AUTS2: variants seen among roughly 807,000 people sequenced by gnomAD.
AUTS2 encodes activator of transcription and developmental regulator AUTS2, also known as autism susceptibility gene 2 protein.
A neutral mutation model predicts 112.4 loss-of-function variants in AUTS2; 17 were observed. The ratio of observed to expected loss-of-function variants is 0.15; its 90% confidence interval spans 0.10 to 0.23. AUTS2 has a LOEUF of 0.23. Among genes scored for constraint, AUTS2 ranks in the 10% least tolerant of loss-of-function variants. The probability of loss-of-function intolerance (pLI) is 1.00; values close to 1 mark genes in which losing one functional copy is unlikely to be tolerated. For synonymous variants in AUTS2, 751 were observed against 702.7 expected (o/e 1.07, Z -1.09); for missense variants, 1,510 against 1,701.6 (o/e 0.89, Z 1.98).
intron 4 of AUTS2, among the ~76,000 whole-genome samples, chr7:70,382,129 C>T (rs1259745482): frequency 1.3e-5 from 2 of 152,204 alleles, no homozygotes; most frequent in Non-Finnish European, 2.9e-5. Context: ...CTCAACGTGT[C>T]TGTAATCTCC....
intron 1 of AUTS2, among the ~76,000 whole-genome samples, chr7:69,678,351 C>T (rs1268880316): frequency 6.6e-6 from 1 of 152,114 alleles, no homozygotes; most frequent in Non-Finnish European, 1.5e-5. Context: ...CTGTCTACAG[C>T]CTCTTGAATT....
chr7:70,378,249 A>G (rs149324122), intron 4 of AUTS2, among the ~76,000 whole-genome samples: 1 of 152,340 alleles, frequency 6.6e-6, no homozygotes, highest in African/African-American at 2.4e-5. Context: ...TGCTATGAAC[A>G]TGTCTAAGTC....
At chr7:70,141,333 A>G (rs1049783085) in intron 4 of AUTS2, among the ~76,000 whole-genome samples, 5 of 152,172 alleles carry the variant, frequency 3.3e-5, no homozygotes, top group Non-Finnish European at 7.3e-5. Flanking sequence ...CGTCAAGTAA[A>G]GGATCAATGA....
At chr7:70,141,162 C>T (rs1806841812) in intron 4 of AUTS2, among the ~76,000 whole-genome samples, 1 of 152,132 alleles carries the variant, frequency 6.6e-6, no homozygotes, top group Non-Finnish European at 1.5e-5. Context: ...GACAAGAATA[C>T]AGAGAAATTG....
chr7:70,738,260 T>C (rs111657334), intron 6 of AUTS2, among the ~76,000 whole-genome samples: 3,734 of 152,270 alleles, frequency 0.025, 68 homozygotes, highest in Non-Finnish European at 0.038. Context: ...TTTCTCCTGG[T>C]GCTAGAACCT....
At chr7:69,996,297 C>G (rs1471697858) in intron 2 of AUTS2, among the ~76,000 whole-genome samples, 7 of 152,214 alleles carry the variant, frequency 4.6e-5, no homozygotes, top group African/African-American at 1.7e-4. Context: ...TCCCTCTCTT[C>G]TGTCAGCACA....
In AUTS2 at chr7:70,692,182, T is replaced by C. The variant is rs770281726; in HGVS notation, c.691-6387T>C. ...TGCGCCCAGACTGATGACAATCTAATGCAAGGCATGATAAATGTCAGAAGT... is the reference window on the plus strand; with the variant it reads ...TGCGCCCAGACTGATGACAATCTAACGCAAGGCATGATAAATGTCAGAAGT... On this transcript the variant is annotated intron_variant, in intron 5 of 18. Transcript: ENST00000342771. Among the ~76,000 whole-genome samples the C allele has an allele frequency of 9.2e-5, 14 of 152,292 alleles. No individual in the cohort carries two copies. In the South Asian group the frequency reaches 2.1e-3, roughly 23 times the overall value.
Position 70,750,350 on chromosome 7 carries a change from G to T in AUTS2, c.743-12520G>T, listed in dbSNP as rs142490904. 7.2e-3 allele frequency among the ~76,000 whole-genome samples: 1,055 copies of T among 147,186 alleles called. 14 individuals carry two copies. Among genetic ancestry groups the T allele is most frequent in the African/African-American group, 0.026 (986 of 38,066 alleles). On this transcript the variant is annotated intron_variant, in intron 6 of 18. Coordinates refer to ENST00000342771, the MANE Select transcript of AUTS2 (RefSeq NM_015570.4). ...AAAGTCTTTTTTTTTTTTAAACAGG[G>T]TCTCACTCTGTTTTCCATGCTGGAG... is the stretch of plus-strand genomic sequence containing the variant.
chr7:69,642,059 G>T (rs1416342419), intron 1 of AUTS2, among the ~76,000 whole-genome samples: 2 of 152,162 alleles, frequency 1.3e-5, no homozygotes, highest in African/African-American at 4.8e-5. Context: ...ATAACTGAGG[G>T]AGTTGGCCCA....
chr7:69,807,807 C>A (rs563568482), intron 1 of AUTS2, among the ~76,000 whole-genome samples: 11 of 152,104 alleles, frequency 7.2e-5, no homozygotes, highest in South Asian at 2.1e-4. Flanking sequence ...GTTTTACCAG[C>A]GTGACTGATT....
chr7:69,698,568 C>A (rs1483542518), intron 1 of AUTS2, among the ~76,000 whole-genome samples: 1 of 152,090 alleles, frequency 6.6e-6, no homozygotes, highest in African/African-American at 2.4e-5. Context: ...CTTTATTCTG[C>A]CTACTTTCCT....
chr7:70,256,903 C>T (rs985994370), intron 4 of AUTS2, among the ~76,000 whole-genome samples: 1 of 152,162 alleles, frequency 6.6e-6, no homozygotes, highest in Non-Finnish European at 1.5e-5. Context: ...CCTTCACAGT[C>T]AACTTTCAGT....
chr7:70,027,417 C>T (rs943645349), intron 2 of AUTS2, among the ~76,000 whole-genome samples: 1 of 152,112 alleles, frequency 6.6e-6, no homozygotes, highest in African/African-American at 2.4e-5. Flanking sequence ...TCTCACTTCT[C>T]GTGTTTCCTT....
chr7:70,634,561 C>T (rs573722724), intron 5 of AUTS2, among the ~76,000 whole-genome samples: 3 of 152,238 alleles, frequency 2.0e-5, no homozygotes, highest in African/African-American at 7.2e-5. Flanking sequence ...GGCCTGGCTC[C>T]GTCACCTTTG....
At chr7:70,240,561 ATTC>A (rs1462216401) in intron 4 of AUTS2, among the ~76,000 whole-genome samples, 3 of 152,138 alleles carry the variant, frequency 2.0e-5, no homozygotes, top group Admixed American at 6.6e-5. Context: ...TCCAGAAACC[ATTC>A]TTCTTTATGT....
intron 5 of AUTS2, among the ~76,000 whole-genome samples, chr7:70,467,062 T>C (rs182350750): frequency 1.3e-5 from 2 of 152,322 alleles, no homozygotes; most frequent in East Asian, 1.9e-4. Context: ...ACTTCCTAGG[T>C]TGGTTGTGGG....
At chr7:70,384,438 G>A (rs183029109) in intron 4 of AUTS2, among the ~76,000 whole-genome samples, 3 of 152,306 alleles carry the variant, frequency 2.0e-5, no homozygotes, top group Admixed American at 2.0e-4. Context: ...ACATATAATT[G>A]GGATCTGAGA....
chr7:70,337,353 G>A (rs935756148), intron 4 of AUTS2, among the ~76,000 whole-genome samples: 1 of 152,196 alleles, frequency 6.6e-6, no homozygotes, highest in Non-Finnish European at 1.5e-5. Flanking sequence ...AACCTCTATT[G>A]TAAGGCTCCG....
chr7:70,439,576 G>A, intron 5 of AUTS2, among the ~76,000 whole-genome samples: 1 of 151,460 alleles, frequency 6.6e-6, no homozygotes, highest in East Asian at 1.9e-4. Flanking sequence ...GAAATTGGGT[G>A]GGGAATTACA....
Sources: allele counts gnomAD v4.1 joint callset (sites outside exome capture counted in the v4.1 genomes callset), GRCh38; gene constraint gnomAD v4.1.1; transcripts MANE v1.5; gene names NCBI Gene and HGNC (gene_info 2026-07-23, HGNC 2026-07-21).